Variants in CGGBP1 observed in about 807,000 individuals in gnomAD.
CGGBP1 encodes CGG triplet repeat binding protein 1.
CGGBP1 carries 4 observed loss-of-function variants against 11.4 expected under a neutral mutation model. The observed-to-expected ratio is 0.35, with a 90% CI of 0.17 to 0.80. The LOEUF is 0.80. Among genes scored for constraint, CGGBP1 ranks in the 30% least tolerant of loss-of-function variants. The pLI, the probability that CGGBP1 is intolerant of heterozygous loss-of-function variation, is 0.52. For synonymous variants in CGGBP1, 76 were observed against 74.1 expected, an observed-to-expected ratio of 1.03 and a Z score of -0.13; for missense variants, 135 against 202.1, an observed-to-expected ratio of 0.67 and a Z score of 2.01.
intron 1 of CGGBP1, chr3:88,143,286 G>A (rs1707213327): frequency 6.6e-6 from 1 of 152,046 alleles, no homozygotes; most frequent in Admixed American, 6.6e-5. Flanking sequence ...ATGCAATGAT[G>A]GTCATAAGTC....
intron 2 of CGGBP1, among the ~76,000 whole-genome samples, chr3:88,096,992 A>G (rs191041489): frequency 6.6e-6 from 1 of 152,294 alleles, no homozygotes; most frequent in African/African-American, 2.4e-5. Context: ...CCATCAGCAT[A>G]GAAAGAACAC....
intron 2 of CGGBP1, among the ~76,000 whole-genome samples, chr3:88,096,263 C>A (rs1275050996): frequency 4.0e-5 from 6 of 151,832 alleles, no homozygotes; most frequent in Non-Finnish European, 8.8e-5. Context: ...GCAATTGTGG[C>A]AAGTTGCTGT....
At position 88,055,917 on chromosome 3, in the gene CGGBP1, A is replaced by G. The variant is rs376176852; in HGVS notation, c.60T>C (p.Tyr20=). ...CAGTGACTCGATCCAGGGGAGTCAC[A>G]TACAAAGCAGTCTTAGAACGGTTTC... ...PARNRSKTAL[Y]VTPLDRVTEF... is the part of the protein sequence containing the mutation. The change falls in exon 4 of 4, where the codon TAT becomes TAC. Residue 20 remains tyrosine (Y), a synonymous_variant. Transcript: ENST00000482016. The surrounding 1 kb of genome is among the most constrained non-coding windows in gnomAD (Gnocchi z 4.2). 2.8e-5 allele frequency: 46 copies of G among 1,614,072 alleles called. No individual in the cohort carries two copies. Among genetic ancestry groups the G allele is most frequent in the Non-Finnish European group, 3.6e-5 (42 of 1,180,010 alleles).
In CGGBP1 at chr3:88,055,497, T is replaced by C. The variant is rs1418076709; in HGVS notation, c.480A>G (p.Gln160=). ...GTCAACAATCTTGTGAGTTGAGGAGTTGATTCTCATTCTCATATCCATCAG... is the reference window on the plus strand; with the variant it reads ...GTCAACAATCTTGTGAGTTGAGGAGCTGATTCTCATTCTCATATCCATCAG... ...YLPDGYENEN[Q]LLNSQDC The change falls in exon 4 of 4, where the codon CAA becomes CAG. Residue 160 remains glutamine (Q), a synonymous_variant. Coordinates refer to ENST00000482016, the MANE Select transcript of CGGBP1 (RefSeq NM_001008390.2). This position sits in a 1 kb window ranked among gnomAD's most constrained non-coding sequence, Gnocchi z 4.2. 1.3e-6 allele frequency: 2 copies of C among 1,525,972 alleles called. No individual in the cohort carries two copies. Among genetic ancestry groups the C allele is most frequent in the Non-Finnish European group, 1.8e-6 (2 of 1,136,170 alleles). The allele number at this position is 1,525,972 out of a possible 1,614,324, so 94.5% of individuals were successfully genotyped here.
intron 2 of CGGBP1, chr3:88,138,705 G>A: frequency 7.3e-6 from 9 of 1,231,568 alleles, no homozygotes; most frequent in Non-Finnish European, 9.1e-6. Flanking sequence ...CTTTTTACAG[G>A]TTGAAGAAGA....
chr3:88,140,109 G>A (rs766892285), intron 2 of CGGBP1: 3 of 1,613,868 alleles, frequency 1.9e-6, no homozygotes, highest in Non-Finnish European at 1.7e-6. Context: ...CTATCCAAAT[G>A]TGTATTTTTG....
chr3:88,149,280 A>G (rs1379554491), intron 1 of CGGBP1, among the ~76,000 whole-genome samples: 3 of 152,110 alleles, frequency 2.0e-5, no homozygotes, highest in African/African-American at 7.2e-5. Flanking sequence ...GAAGGGGAAA[A>G]GGCTAAGGAG....
intron 2 of CGGBP1, among the ~76,000 whole-genome samples, chr3:88,106,093 G>A (rs1004771633): frequency 6.6e-6 from 1 of 152,188 alleles, no homozygotes; most frequent in African/African-American, 2.4e-5. Context: ...CTGATGAGCT[G>A]CCAGAACTGG....
intron 2 of CGGBP1, among the ~76,000 whole-genome samples, chr3:88,070,783 T>C (rs185706854): frequency 6.6e-6 from 1 of 152,214 alleles, no homozygotes; most frequent in Non-Finnish European, 1.5e-5. Flanking sequence ...GTGAAATAAG[T>C]ACTGTTTTTA....
chr3:88,087,095 T>C (rs899383929), intron 2 of CGGBP1, among the ~76,000 whole-genome samples: 7 of 151,718 alleles, frequency 4.6e-5, no homozygotes, highest in Non-Finnish European at 1.0e-4. Flanking sequence ...TGTTTTGTTT[T>C]TTTGAGACAG....
chr3:88,115,281 T>TC (rs1705322828), intron 2 of CGGBP1, among the ~76,000 whole-genome samples: 2 of 152,278 alleles, frequency 1.3e-5, no homozygotes, highest in African/African-American at 2.4e-5. Flanking sequence ...AACTTCTCTT[T>TC]CCCCCCGCTG....
chr3:88,059,643 T>G, upstream of CGGBP1: 27 of 843,412 alleles, frequency 3.2e-5, no homozygotes, highest in Admixed American at 9.0e-5. Flanking sequence ...TGAAGCTCCC[T>G]CCTCCACTTA....
intron 2 of CGGBP1, chr3:88,140,672 A>G: frequency 6.2e-7 from 1 of 1,613,732 alleles, no homozygotes; most frequent in Admixed American, 1.7e-5. Context: ...ATACAAACAG[A>G]ATCAGGACAG....
At chr3:88,142,882 A>G (rs1401848909) in intron 1 of CGGBP1, 1 of 152,336 alleles carries the variant, frequency 6.6e-6, no homozygotes, top group Admixed American at 6.6e-5. Context: ...TTAACTTAAT[A>G]AAGTGTTAAA....
intron 2 of CGGBP1, chr3:88,135,366 C>T (rs1706712120): frequency 4.5e-6 from 2 of 444,446 alleles, no homozygotes; most frequent in South Asian, 9.9e-5. Flanking sequence ...ACTCCAAACT[C>T]TCAACATGGG....
intron 2 of CGGBP1, among the ~76,000 whole-genome samples, chr3:88,075,897 TAAG>T (rs930984512): frequency 6.6e-6 from 1 of 152,156 alleles, no homozygotes; most frequent in African/African-American, 2.4e-5. Context: ...GTATCTGACT[TAAG>T]AAAAAAATCT....
At chr3:88,092,101 A>G (rs954546515) in intron 2 of CGGBP1, among the ~76,000 whole-genome samples, 1 of 152,198 alleles carries the variant, frequency 6.6e-6, no homozygotes, top group South Asian at 2.1e-4. Context: ...CATTATTTGT[A>G]TTTACTTTAC....
intron 1 of CGGBP1, chr3:88,143,150 G>A (rs1343344311): frequency 2.6e-5 from 4 of 152,142 alleles, no homozygotes; most frequent in African/African-American, 4.8e-5. Flanking sequence ...AGGCTATTAC[G>A]GAAGTGGGGA....
At chr3:88,097,259 C>A (rs1704119269) in intron 2 of CGGBP1, among the ~76,000 whole-genome samples, 1 of 151,980 alleles carries the variant, frequency 6.6e-6, no homozygotes, top group African/African-American at 2.4e-5. Flanking sequence ...TGTAATTTTT[C>A]ATTTTGGTAG....
Sources: gnomAD v4.1 joint callset for allele counts (sites outside exome capture counted in the v4.1 genomes callset) on GRCh38, gnomAD v4.1.1 for gene constraint, Gnocchi (gnomAD v3.1) non-coding constraint, MANE v1.5 for transcripts, NCBI Gene and HGNC (gene_info 2026-07-23, HGNC 2026-07-21) for gene names.